HERC1: variants seen among roughly 807,000 people sequenced by gnomAD.
HERC1 encodes HECT and RLD domain containing E3 ubiquitin protein ligase family member 1, also known as probable E3 ubiquitin-protein ligase HERC1.
HERC1 carries 160 observed loss-of-function variants against 554.3 expected under a neutral mutation model. The observed-to-expected ratio is 0.29, with a 90% CI of 0.25 to 0.33. HERC1 has a LOEUF of 0.33. Among genes scored for constraint, HERC1 ranks in the 10% least tolerant of loss-of-function variants. The probability of loss-of-function intolerance (pLI) is 1.00; values close to 1 mark genes in which losing one functional copy is unlikely to be tolerated. For synonymous variants in HERC1, 2,175 were observed against 2,131.7 expected (o/e 1.02, Z -0.56); for missense variants, 4,919 against 5,918.5 (o/e 0.83, Z 5.54).
chr15:63,809,850 G>A (rs1437878363), intron 1 of HERC1, among the ~76,000 whole-genome samples: 1 of 149,750 alleles, frequency 6.7e-6, no homozygotes, highest in Admixed American at 6.6e-5. Context: ...TTTGTTTTCT[G>A]CTTTTTTAAA....
chr15:63,811,430 T>C (rs1264816417), intron 1 of HERC1, among the ~76,000 whole-genome samples: 2 of 152,214 alleles, frequency 1.3e-5, no homozygotes, highest in Non-Finnish European at 1.5e-5. Context: ...TCATTTTTTC[T>C]ATAAATCTGA....
rs189829870 is a variant in HERC1 at position 63,809,728 on chromosome 15, A to G, written c.-27+24099T>C. On this transcript the variant is annotated intron_variant, in intron 1 of 77. Coordinates refer to ENST00000443617, the MANE Select transcript of HERC1 (RefSeq NM_003922.4). ...CATTTTCTTAGTGTAGTTTTAATCAAGAAACAAAGTACTGTTTAAACTAAG... is the reference window on the plus strand; with the variant it reads ...CATTTTCTTAGTGTAGTTTTAATCAGGAAACAAAGTACTGTTTAAACTAAG... 1.1e-3 allele frequency among the ~76,000 whole-genome samples: 171 copies of G among 152,296 alleles called. 1 individual carries two copies. Among genetic ancestry groups the G allele is most frequent in the African/African-American group, 4.1e-3 (169 of 41,554 alleles).
In HERC1 at chr15:63,625,855, G is replaced by C. The variant is rs1006966325; in HGVS notation, c.13275+130C>G. 17 of 898,618 alleles carry C rather than the reference G, an allele frequency of 1.9e-5. No homozygotes were observed. In the Admixed American group the frequency reaches 3.0e-4, roughly 16 times the overall value. The allele number at this position is 898,618 out of a possible 1,614,324, so 55.7% of individuals were successfully genotyped here. The stretch of plus-strand genomic sequence containing the variant: ...ACACAGCAATAAAATGGGAATAGAA[G>C]TGTTATCTTATTAGCCATGAAAGAA... On this transcript the variant is annotated intron_variant, in intron 71 of 77. Coordinates refer to ENST00000443617, the MANE Select transcript of HERC1 (RefSeq NM_003922.4).
Position 63,775,515 on chromosome 15 carries a change from G to C in HERC1, c.109C>G (p.Leu37Val), listed in dbSNP as rs773711787. ...SIATREGVAV[L>V]YSKLVSNKEV... is the part of the protein sequence containing the mutation. The stretch of plus-strand genomic sequence containing the variant: ...TTATTGCTAACCAGTTTAGAATACA[G>C]AACAGCAACTCCCTCTCTTGTAGCA... The change falls in exon 2 of 78, where the codon CTG becomes GTG. Residue 37 changes from leucine to valine, a missense_variant. Physicochemically the swap from Leu to Val is conservative, Grantham distance 32. This residue lies in a region of HERC1 where 110 missense variants were observed against 99.3 expected (regional missense o/e 1.11). Coordinates refer to ENST00000443617, the MANE Select transcript of HERC1 (RefSeq NM_003922.4). The surrounding 1 kb of genome is among the most constrained non-coding windows in gnomAD (Gnocchi z 4.0). 1.2e-6 allele frequency: 2 copies of C among 1,613,940 alleles called. No individual in the cohort carries two copies. The highest frequency in any genetic ancestry group is 1.7e-6 in the Non-Finnish European group (2 of 1,179,840).
chr15:63,827,432 A>G (rs2077980730), intron 1 of HERC1, among the ~76,000 whole-genome samples: 1 of 152,124 alleles, frequency 6.6e-6, no homozygotes, highest in African/African-American at 2.4e-5. Context: ...TTAAAAAAAA[A>G]AAAGACCGAA....
At chr15:63,709,553 A>C (rs978066578) in intron 24 of HERC1, among the ~76,000 whole-genome samples, 54 of 152,318 alleles carry the variant, frequency 3.5e-4, no homozygotes, top group African/African-American at 1.3e-3. Context: ...AAGAAACTGG[A>C]GCTCAGGAAG....
intron 24 of HERC1, among the ~76,000 whole-genome samples, chr15:63,707,238 C>A (rs2073051633): frequency 6.6e-6 from 1 of 152,198 alleles, no homozygotes; most frequent in African/African-American, 2.4e-5. Flanking sequence ...TTCAAAACTT[C>A]CACTAGCCTT....
At chr15:63,796,077 G>A (rs1285447012) in intron 1 of HERC1, among the ~76,000 whole-genome samples, 2 of 152,226 alleles carry the variant, frequency 1.3e-5, no homozygotes, top group Non-Finnish European at 2.9e-5. Flanking sequence ...TTTTAAGAAT[G>A]TTAGCACAGG....
At position 63,723,362 on chromosome 15, in the gene HERC1, A is replaced by G. The variant is rs1392961365; in HGVS notation, c.3569-7T>C. 6.5e-7 allele frequency: 1 copy of G among 1,529,566 alleles called. No individual in the cohort carries two copies. 94.7% of individuals were successfully genotyped at this position (1,529,566 alleles called of 1,614,324 possible). On this transcript the variant is annotated splice_region_variant and splice_polypyrimidine_tract_variant and intron_variant, in intron 18 of 77. Coordinates refer to ENST00000443617, the MANE Select transcript of HERC1 (RefSeq NM_003922.4). Reference sequence around the variant, plus strand: ...AGGCAACTCATACATTTATCTAAAAAAAATACTCACGTTACCAATTTTAAC... The same window carrying G: ...AGGCAACTCATACATTTATCTAAAAGAAATACTCACGTTACCAATTTTAAC...
rs901060590 is a variant in HERC1 at position 63,727,015 on chromosome 15, C to T, written c.3346+632G>A. On this transcript the variant is annotated intron_variant, in intron 17 of 77. Transcript: ENST00000443617. This position sits in a 1 kb window ranked among gnomAD's most constrained non-coding sequence, Gnocchi z 4.3. ...TAAACTGGCCAGGGGCGGTGGCTCCCGTCTGTAATCCCAGCATTTTGGGAG... is the reference window on the plus strand; with the variant it reads ...TAAACTGGCCAGGGGCGGTGGCTCCTGTCTGTAATCCCAGCATTTTGGGAG... 4.6e-5 allele frequency among the ~76,000 whole-genome samples: 7 copies of T among 151,964 alleles called. No individual in the cohort carries two copies. The highest frequency in any genetic ancestry group is 1.5e-4 in the African/African-American group (6 of 41,288).
chr15:63,670,098 T>A (rs1235934603), intron 39 of HERC1, among the ~76,000 whole-genome samples: 1 of 152,206 alleles, frequency 6.6e-6, no homozygotes, highest in South Asian at 2.1e-4. Context: ...TAAATATTAA[T>A]ATAAACTCAC....
At chr15:63,747,212 C>A (rs754680043) in intron 11 of HERC1, 129 bp from the exon 12 acceptor site, 39 of 739,212 alleles carry the variant, frequency 5.3e-5, no homozygotes, top group Non-Finnish European at 8.2e-5. Context: ...GTAATCCCAG[C>A]ACTTTGGGAG....
rs1308184335 is a variant in HERC1 at position 63,659,740 on chromosome 15, T to C, written c.9420A>G (p.Gln3140=). The stretch of plus-strand genomic sequence containing the variant: ...CAAATCAGGATTTCAGTTTACCTAT[T>C]TGCATCAGAGTCTCTTCCATACTGT... ...ATNSMEETLM[Q]IGCHGSVEKS... The change falls in exon 47 of 78, where the codon CAA becomes CAG. Residue 3140 remains glutamine, a synonymous_variant. Transcript: ENST00000443617. 6.2e-7 allele frequency: 1 copy of C among 1,611,520 alleles called. No homozygotes were observed. Among genetic ancestry groups the C allele is most frequent in the Non-Finnish European group, 8.5e-7 (1 of 1,177,786 alleles).
At chr15:63,744,689 A>G (rs1397339188) in intron 12 of HERC1, among the ~76,000 whole-genome samples, 1 of 152,132 alleles carries the variant, frequency 6.6e-6, no homozygotes, top group Non-Finnish European at 1.5e-5. Context: ...CTTAAGGCCC[A>G]GGGATTCTTA....
intron 19 of HERC1, among the ~76,000 whole-genome samples, chr15:63,722,731 G>A (rs2073873913): frequency 6.6e-6 from 1 of 152,062 alleles, no homozygotes; most frequent in Admixed American, 6.6e-5. Context: ...TATTGTAATT[G>A]TTCTATTTTA....
At chr15:63,684,164 A>G (rs539511206) in intron 34 of HERC1, among the ~76,000 whole-genome samples, 21 of 152,366 alleles carry the variant, frequency 1.4e-4, no homozygotes, top group Non-Finnish European at 2.1e-4. Context: ...TGTATTCTCA[A>G]TACCCTCTAG....
At chr15:63,752,197 T>G (rs1245671309) in intron 8 of HERC1, among the ~76,000 whole-genome samples, 4 of 152,184 alleles carry the variant, frequency 2.6e-5, no homozygotes, top group Non-Finnish European at 5.9e-5. Context: ...ATAATCAAAT[T>G]ATATGCTGAT....
chr15:63,645,808 A>G (rs559039082), intron 55 of HERC1, 126 bp from the exon 56 acceptor site: 2 of 626,128 alleles, frequency 3.2e-6, no homozygotes, highest in Admixed American at 3.4e-5. Flanking sequence ...TTTGAAATCA[A>G]TATTTTATGC....
intron 1 of HERC1, among the ~76,000 whole-genome samples, chr15:63,796,707 G>T (rs2076823927): frequency 1.3e-5 from 2 of 152,176 alleles, no homozygotes; most frequent in South Asian, 4.1e-4. Context: ...GTCCAGAAAG[G>T]CTGGACAACT....
Sources: allele counts gnomAD v4.1 joint callset (sites outside exome capture counted in the v4.1 genomes callset), GRCh38; gene constraint gnomAD v4.1.1; regional missense constraint gnomAD v4.1.1; non-coding constraint Gnocchi (gnomAD v3.1); transcripts MANE v1.5; gene names NCBI Gene and HGNC (gene_info 2026-07-23, HGNC 2026-07-21).